The following ACAD11 variants were observed in gnomAD, a reference collection of about 807,000 sequenced individuals.
ACAD11 encodes acyl-Coenzyme A dehydrogenase family, member 11.
A neutral mutation model predicts 102.2 loss-of-function variants in ACAD11; 83 were observed. That is an observed-to-expected ratio of 0.81 (90% CI 0.68 to 0.97). The LOEUF is 0.97. Ranked by LOEUF, ACAD11 falls within the 50% of genes least tolerant of loss-of-function variation. The pLI is 0.00. For synonymous variants in ACAD11, 324 were observed against 319.8 expected, an observed-to-expected ratio of 1.01 and a Z score of -0.14; for missense variants, 901 against 951.7, an observed-to-expected ratio of 0.95 and a Z score of 0.70.
chr3:132,625,455 G>T (rs567251375), intron 9 of ACAD11, among the ~76,000 whole-genome samples: 1 of 152,194 alleles, frequency 6.6e-6, no homozygotes, highest in East Asian at 1.9e-4. Context: ...TAAAAGTGTT[G>T]CATTCCCTTT....
chr3:132,626,844 A>T, intron 8 of ACAD11, 27 bp from the exon 9 acceptor site: 2 of 1,593,210 alleles, frequency 1.3e-6, no homozygotes, highest in Non-Finnish European at 1.7e-6. Context: ...AAGGAAAAAA[A>T]GGTTACAAAG....
At chr3:132,587,786 A>G (rs1360174052) in intron 13 of ACAD11, among the ~76,000 whole-genome samples, 1 of 152,186 alleles carries the variant, frequency 6.6e-6, no homozygotes, top group Non-Finnish European at 1.5e-5. Flanking sequence ...AGAGTCTATC[A>G]CAATTCAGGT....
chr3:132,572,081 G>T (rs116665330), intron 17 of ACAD11, among the ~76,000 whole-genome samples: 2,089 of 152,196 alleles, frequency 0.014, 59 homozygotes, highest in African/African-American at 0.048. Flanking sequence ...TCAGGCAAGA[G>T]AAATAAATAA....
intron 11 of ACAD11, among the ~76,000 whole-genome samples, chr3:132,611,864 G>GA (rs1939168420): frequency 2.0e-5 from 3 of 151,878 alleles, no homozygotes; most frequent in Admixed American, 6.6e-5. Context: ...CACAGAATTG[G>GA]AAAAAACTAC....
chr3:132,642,073 A>G lies in ACAD11; in HGVS notation c.436T>C (p.Tyr146His), dbSNP rs373005064. ...GLSPAERSAIYVATVETLAQL... is the reference protein window; with the variant it reads ...GLSPAERSAIHVATVETLAQL... The stretch of plus-strand genomic sequence containing the variant: ...GCCAATGTTTCTACCGTGGCCACAT[A>G]TATGGCTGAACGTTCTGCTGGGCTA... Residue 146 changes from tyrosine (Y) to histidine (H), a missense_variant, in exon 4 of 20, where the codon TAT (tyrosine) becomes CAT (histidine). Physicochemically the swap from Tyr to His is moderately conservative, Grantham distance 83. Coordinates refer to ENST00000264990, the MANE Select transcript of ACAD11 (RefSeq NM_032169.5). 1 of 1,614,098 alleles carries G rather than the reference A, an allele frequency of 6.2e-7. No homozygotes were observed. The highest frequency in any genetic ancestry group is 8.5e-7 in the Non-Finnish European group (1 of 1,179,986).
chr3:132,623,622 C>T (rs1487282207), intron 9 of ACAD11, among the ~76,000 whole-genome samples: 2 of 152,046 alleles, frequency 1.3e-5, no homozygotes, highest in Admixed American at 6.6e-5. Context: ...TTTCTGGTCA[C>T]ACAAAACATT....
At chr3:132,602,636 G>A (rs575538001) in intron 13 of ACAD11, among the ~76,000 whole-genome samples, 1 of 152,014 alleles carries the variant, frequency 6.6e-6, no homozygotes, top group East Asian at 1.9e-4. Context: ...CAATTACATT[G>A]GTCAAAAATA....
chr3:132,568,252 A>T (rs1175822368), intron 17 of ACAD11, among the ~76,000 whole-genome samples: 1 of 152,030 alleles, frequency 6.6e-6, no homozygotes, highest in Non-Finnish European at 1.5e-5. Context: ...AAAAAACTAT[A>T]CTTCCATATA....
chr3:132,608,075 G>A (rs1257632374), intron 11 of ACAD11, among the ~76,000 whole-genome samples: 2 of 152,138 alleles, frequency 1.3e-5, no homozygotes, highest in African/African-American at 4.8e-5. Context: ...CAAATGCTGG[G>A]AGACATTTTG....
At chr3:132,654,508 C>T (rs1937676129) in intron 1 of ACAD11, 1 of 152,126 alleles carries the variant, frequency 6.6e-6, no homozygotes, top group African/African-American at 2.4e-5. Flanking sequence ...AAAGTAAAGC[C>T]AAAAGTCAGC....
chr3:132,623,108 A>C (rs545085779), intron 9 of ACAD11, among the ~76,000 whole-genome samples: 1 of 152,162 alleles, frequency 6.6e-6, no homozygotes, highest in Non-Finnish European at 1.5e-5. Context: ...TTCATAGATA[A>C]GGGTTATGCT....
At chr3:132,611,026 T>C (rs997812458) in intron 11 of ACAD11, among the ~76,000 whole-genome samples, 3 of 152,112 alleles carry the variant, frequency 2.0e-5, no homozygotes, top group Non-Finnish European at 4.4e-5. Flanking sequence ...TTATCCACCA[T>C]GATCAAGTGG....
At chr3:132,631,222 T>G (rs1315452114) in intron 6 of ACAD11, 119 bp downstream of exon 6, 2 of 500,098 alleles carry the variant, frequency 4.0e-6, no homozygotes, top group East Asian at 3.7e-5. Context: ...CATAATAAAA[T>G]AGAAATGTTT....
chr3:132,586,105 T>A (rs1937809100), intron 13 of ACAD11, among the ~76,000 whole-genome samples: 2 of 152,124 alleles, frequency 1.3e-5, no homozygotes, highest in South Asian at 4.1e-4. Flanking sequence ...TGTCCAATAA[T>A]GATAGACTGG....
intron 1 of ACAD11, among the ~76,000 whole-genome samples, chr3:132,653,918 C>T (rs895715307): frequency 5.9e-5 from 9 of 152,126 alleles, no homozygotes; most frequent in African/African-American, 2.2e-4. Flanking sequence ...TTCTTTTTGT[C>T]GATGGCTCTC....
At chr3:132,630,837 G>A (rs188710159) in intron 6 of ACAD11, among the ~76,000 whole-genome samples, 22 of 152,236 alleles carry the variant, frequency 1.4e-4, no homozygotes, top group African/African-American at 1.4e-4. Context: ...AGCACTTTGC[G>A]GGGGCCGAGG....
chr3:132,569,188 T>C (rs1050036500), intron 17 of ACAD11, among the ~76,000 whole-genome samples: 1 of 151,954 alleles, frequency 6.6e-6, no homozygotes, highest in Non-Finnish European at 1.5e-5. Context: ...ACACAGGACA[T>C]GAACCAAAGA....
intron 11 of ACAD11, among the ~76,000 whole-genome samples, chr3:132,616,334 C>A (rs1939408345): frequency 6.6e-6 from 1 of 152,142 alleles, no homozygotes; most frequent in African/African-American, 2.4e-5. Flanking sequence ...AGTGAGTTCA[C>A]AGGTCAAATG....
At chr3:132,622,142 A>T (rs1208735850) in intron 9 of ACAD11, among the ~76,000 whole-genome samples, 1 of 152,166 alleles carries the variant, frequency 6.6e-6, no homozygotes, top group East Asian at 1.9e-4. Context: ...TTACTTACAA[A>T]CATTGTCAAA....
Sources: gnomAD v4.1 joint callset for allele counts (sites outside exome capture counted in the v4.1 genomes callset) on GRCh38, gnomAD v4.1.1 for gene constraint, MANE v1.5 for transcripts, NCBI Gene and HGNC (gene_info 2026-07-23, HGNC 2026-07-21) for gene names.